TRIM71: variants seen among roughly 807,000 people sequenced by gnomAD.
TRIM71 encodes tripartite motif containing 71, also known as E3 ubiquitin-protein ligase TRIM71.
Under a neutral mutation model 61.2 loss-of-function variants are expected in TRIM71, and 9 were observed. That is an observed-to-expected ratio of 0.15 (90% CI 0.09 to 0.26). The LOEUF (loss-of-function observed/expected upper bound fraction) is 0.26. TRIM71 is among the 10% of genes least tolerant of loss of function. The pLI is 1.00. For synonymous variants in TRIM71, 645 were observed against 553.2 expected, an observed-to-expected ratio of 1.17 and a Z score of -2.33; for missense variants, 998 against 1,238.7, an observed-to-expected ratio of 0.81 and a Z score of 2.92.
At chr3:32,829,457 G>A (rs1040227903) in intron 1 of TRIM71, among the ~76,000 whole-genome samples, 3 of 152,112 alleles carry the variant, frequency 2.0e-5, no homozygotes, top group African/African-American at 7.2e-5. Context: ...GATTACAGGC[G>A]TGAGCCACGA....
At chr3:32,864,978 T>C (rs1696716121) in intron 1 of TRIM71, among the ~76,000 whole-genome samples, 1 of 151,776 alleles carries the variant, frequency 6.6e-6, no homozygotes, top group South Asian at 2.1e-4. Flanking sequence ...TCCTCTCCTT[T>C]TACCTCGACC....
chr3:32,875,953 C>T (rs1157453783), intron 2 of TRIM71, among the ~76,000 whole-genome samples: 1 of 152,176 alleles, frequency 6.6e-6, no homozygotes, highest in Non-Finnish European at 1.5e-5. Flanking sequence ...GATACTGAAA[C>T]AATCTTTTCT....
rs147772505 is a variant in TRIM71, at chr3:32,897,591, G to C, written c.*5780G>C. 6.6e-5 allele frequency: 10 copies of C among 152,256 alleles called. No individual in the cohort carries two copies. Among genetic ancestry groups the C allele is most frequent in the Admixed American group, 5.9e-4 (9 of 15,288 alleles). 9.4% of individuals were successfully genotyped at this position (152,256 alleles called of 1,614,324 possible). A position where few individuals can be genotyped will look rare whatever the true frequency, so the allele number is the denominator to read the frequency against. ...CTATTGCAGGCCGCAGGCATGACAG[G>C]CAATGAGCAGGTGAAGAACCAATGG... On this transcript the variant is annotated 3_prime_UTR_variant, in exon 4 of 4. Coordinates refer to ENST00000383763, the MANE Select transcript of TRIM71 (RefSeq NM_001039111.3).
chr3:32,846,738 T>C lies in TRIM71; in HGVS notation c.853-27080T>C, dbSNP rs1015912012. On this transcript the variant is annotated intron_variant, in intron 1 of 3. Coordinates refer to ENST00000383763, the MANE Select transcript of TRIM71 (RefSeq NM_001039111.3). Reference sequence around the variant, plus strand: ...ACTCTAGTTCTCTTCTCTCTACTTCTATGAGATTAGCTTTTTTAGATTCCA... The same window carrying C: ...ACTCTAGTTCTCTTCTCTCTACTTCCATGAGATTAGCTTTTTTAGATTCCA... Among the ~76,000 whole-genome samples, 5 of 149,162 alleles carry C rather than the reference T, an allele frequency of 3.4e-5. No individual in the cohort carries two copies. The East Asian group carries it at 1.0e-3, about 31-fold the overall frequency.
intron 1 of TRIM71, among the ~76,000 whole-genome samples, chr3:32,861,743 C>T (rs887119894): frequency 5.3e-5 from 8 of 152,064 alleles, no homozygotes; most frequent in Non-Finnish European, 1.0e-4. Context: ...GAGAGTGTGT[C>T]TGGCTTCTCT....
At chr3:32,869,185 C>G (rs1696771357) in intron 1 of TRIM71, among the ~76,000 whole-genome samples, 1 of 152,172 alleles carries the variant, frequency 6.6e-6, no homozygotes. Flanking sequence ...GTTGCCTCCA[C>G]TTTACTTCTG....
chr3:32,895,486 A>G lies in TRIM71; in HGVS notation c.*3675A>G, dbSNP rs1020704267. 2 of 152,138 alleles carry G rather than the reference A, an allele frequency of 1.3e-5. No individual in the cohort carries two copies. The highest frequency in any genetic ancestry group is 4.8e-5 in the African/African-American group (2 of 41,418). 9.4% of individuals were successfully genotyped at this position (152,138 alleles called of 1,614,324 possible). A position where few individuals can be genotyped will look rare whatever the true frequency, so the allele number is the denominator to read the frequency against. On this transcript the variant is annotated 3_prime_UTR_variant, in exon 4 of 4. Coordinates refer to ENST00000383763, the MANE Select transcript of TRIM71 (RefSeq NM_001039111.3). Reference sequence around the variant, plus strand: ...TGAAGCAGCAAAATACTGTTTATATATGTGTTACCTTCCTCGTTGGAAGAT... The same window carrying G: ...TGAAGCAGCAAAATACTGTTTATATGTGTGTTACCTTCCTCGTTGGAAGAT...
In TRIM71 at chr3:32,895,775, C is replaced by CA. The variant is rs1309915610; in HGVS notation, c.*3965dup. On this transcript the variant is annotated 3_prime_UTR_variant, in exon 4 of 4. Coordinates refer to ENST00000383763, the MANE Select transcript of TRIM71 (RefSeq NM_001039111.3). Reference sequence around the variant, plus strand: ...CTGGTTTTCTATAGGGCCAAGGGCACAGGACGCAGCATTCCAGACCACACT... The same window carrying CA: ...CTGGTTTTCTATAGGGCCAAGGGCACAAGGACGCAGCATTCCAGACCACACT... 6.6e-6 allele frequency: 1 copy of CA among 152,174 alleles called. No individual in the cohort carries two copies. The highest frequency in any genetic ancestry group is 1.5e-5 in the Non-Finnish European group (1 of 68,060). The allele number at this position is 152,174 out of a possible 1,614,324, so 9.4% of individuals were successfully genotyped here. A position where few individuals can be genotyped will look rare whatever the true frequency, so the allele number is the denominator to read the frequency against.
Position 32,891,052 on chromosome 3 carries a change from G to T in TRIM71, c.1848G>T (p.Lys616Asn). The T allele has an allele frequency of 6.2e-7, 1 of 1,613,144 alleles. No individual in the cohort carries two copies. The highest frequency in any genetic ancestry group is 1.1e-5 in the South Asian group (1 of 91,070). ...GCCCTTGGGGTGTGAGTGTAGACAA[G>T]GAGGGCTACATCATTGTCGCCGACC... Reference protein sequence around the residue: ...LCRPWGVSVDKEGYIIVADRS... With the variant: ...LCRPWGVSVDNEGYIIVADRS... The change falls in exon 4 of 4, where the codon AAG becomes AAT. Residue 616 changes from lysine (K) to asparagine (N), a missense_variant. Around this residue, in one of 5 missense-constraint regions of TRIM71, gnomAD observed 83 missense variants for 202.7 expected, o/e 0.41. Coordinates refer to ENST00000383763, the MANE Select transcript of TRIM71 (RefSeq NM_001039111.3). The surrounding 1 kb of genome is among the most constrained non-coding windows in gnomAD (Gnocchi z 8.2).
At chr3:32,833,183 TTAAAAAAAAAAAAAAAAAAA>T (rs1479302370) in intron 1 of TRIM71, among the ~76,000 whole-genome samples, 1 of 39,100 alleles carries the variant, frequency 2.6e-5, no homozygotes, top group Non-Finnish European at 6.4e-5. Context: ...AACTCTGTCT[TTAAAAAAAAAAAAAAAAAAA>T]AAAAAAAAAG....
chr3:32,821,802 T>A (rs1044896393), intron 1 of TRIM71, among the ~76,000 whole-genome samples: 6 of 150,304 alleles, frequency 4.0e-5, no homozygotes, highest in African/African-American at 1.5e-4. Flanking sequence ...CGGGCGCAGG[T>A]AGAGTCGCCG....
intron 1 of TRIM71, among the ~76,000 whole-genome samples, chr3:32,872,280 G>C (rs1272854952): frequency 6.6e-6 from 1 of 152,084 alleles, no homozygotes; most frequent in South Asian, 2.1e-4. Flanking sequence ...AGTTTCTAGA[G>C]AACCAGTTTA....
At position 32,818,814 on chromosome 3, in the gene TRIM71, C is replaced by T; in HGVS notation, c.734C>T (p.Pro245Leu). 1 of 1,610,004 alleles carries T rather than the reference C, an allele frequency of 6.2e-7. No homozygotes were observed. Residue 245 changes from proline to leucine, a missense_variant, in exon 1 of 4, where the codon CCC becomes CTC. This residue lies in a region of TRIM71 where 527 missense variants were observed against 427.8 expected (regional missense o/e 1.23). Coordinates refer to ENST00000383763, the MANE Select transcript of TRIM71 (RefSeq NM_001039111.3). ...DHYIERGPPG[P>L]GAAAAAQQLG... ...TACATCGAGCGCGGCCCGCCGGGTC[C>T]CGGTGCCGCAGCAGCGGCGCAGCAG... is the stretch of plus-strand genomic sequence containing the variant.
At chr3:32,886,773 A>G (rs1696966246) in intron 3 of TRIM71, among the ~76,000 whole-genome samples, 3 of 152,168 alleles carry the variant, frequency 2.0e-5, no homozygotes, top group Non-Finnish European at 4.4e-5. Context: ...TCCAAACAAT[A>G]TGATGATGGT....
In TRIM71 at chr3:32,818,621, C is replaced by T. The variant is rs1445066115; in HGVS notation, c.541C>T (p.Pro181Ser). ...PQPPAPSRSA[P>S]GGPAASPSAL... ...GCCGCCCGCGCCTTCCCGCTCGGCA[C>T]CCGGCGGCCCTGCCGCTTCCCCGTC... The change falls in exon 1 of 4, where the codon CCC (proline) becomes TCC (serine). Residue 181 changes from proline to serine, a missense_variant. Pro to Ser is a moderately conservative substitution (Grantham distance 74). Transcript: ENST00000383763. 5.6e-6 allele frequency: 8 copies of T among 1,426,302 alleles called. No individual in the cohort carries two copies. In the East Asian group the frequency reaches 1.2e-4, roughly 22 times the overall value. 88.4% of individuals were successfully genotyped at this position (1,426,302 alleles called of 1,614,324 possible). A position where few individuals can be genotyped will look rare whatever the true frequency, so the allele number is the denominator to read the frequency against.
intron 1 of TRIM71, among the ~76,000 whole-genome samples, chr3:32,822,901 G>A (rs890445371): frequency 9.2e-5 from 14 of 151,968 alleles, no homozygotes; most frequent in Non-Finnish European, 1.8e-4. Context: ...CATTTTAATT[G>A]GAATCCGATT....
At chr3:32,837,196 C>T (rs575060757) in intron 1 of TRIM71, among the ~76,000 whole-genome samples, 1 of 152,286 alleles carries the variant, frequency 6.6e-6, no homozygotes, top group East Asian at 1.9e-4. Context: ...GCAATGCCAT[C>T]TTTATGACTG....
At position 32,896,607 on chromosome 3, in the gene TRIM71, ATGG is replaced by A. The variant is rs1288377088; in HGVS notation, c.*4799_*4801del. 6.6e-6 allele frequency: 1 copy of A among 152,212 alleles called. No homozygotes were observed. Among genetic ancestry groups the A allele is most frequent in the Non-Finnish European group, 1.5e-5 (1 of 68,028 alleles). The allele number at this position is 152,212 out of a possible 1,614,324, so 9.4% of individuals were successfully genotyped here. ...TTATCATGAGGGGCTTATAAATGTC[ATGG>A]TGAAGAAATACCTCAATGATGTCTA... On this transcript the variant is annotated 3_prime_UTR_variant, in exon 4 of 4. Coordinates refer to ENST00000383763, the MANE Select transcript of TRIM71 (RefSeq NM_001039111.3).
intron 1 of TRIM71, among the ~76,000 whole-genome samples, chr3:32,872,262 A>G (rs1476303477): frequency 6.6e-6 from 1 of 152,164 alleles, no homozygotes; most frequent in Non-Finnish European, 1.5e-5. Flanking sequence ...CCTGTTTCTG[A>G]ATCGTAAAGT....
Sources: allele counts gnomAD v4.1 joint callset (sites outside exome capture counted in the v4.1 genomes callset), GRCh38; gene constraint gnomAD v4.1.1; regional missense constraint gnomAD v4.1.1; non-coding constraint Gnocchi (gnomAD v3.1); transcripts MANE v1.5; gene names NCBI Gene and HGNC (gene_info 2026-07-23, HGNC 2026-07-21).